The following AGBL4 variants were observed in gnomAD, a reference collection of about 807,000 sequenced individuals.
AGBL4 encodes AGBL carboxypeptidase 4.
Under a neutral mutation model 66.4 loss-of-function variants are expected in AGBL4, and 58 were observed. The ratio of observed to expected loss-of-function variants is 0.87; its 90% CI spans 0.71 to 1.09. The LOEUF (loss-of-function observed/expected upper bound fraction) is 1.09. Ranked by LOEUF, AGBL4 falls within the 50% of genes least tolerant of loss-of-function variation. AGBL4 has a pLI of 0.00. For missense variants in AGBL4, 579 were observed against 631.0 expected, an observed-to-expected ratio of 0.92 and a Z score of 0.88; for synonymous variants, 234 against 222.9, an observed-to-expected ratio of 1.05 and a Z score of -0.44.
At position 48,843,729 on chromosome 1, in the gene AGBL4, G is replaced by A. The variant is rs564945841; in HGVS notation, c.634+23462C>T. ...TCTAGTCAGAAAGGCCCTTTGAAATGATCTAGTATAAACTTCTCATTCTAT... is the reference window on the plus strand; with the variant it reads ...TCTAGTCAGAAAGGCCCTTTGAAATAATCTAGTATAAACTTCTCATTCTAT... On this transcript the variant is annotated intron_variant, in intron 6 of 13. Transcript: ENST00000371839. 2.0e-5 allele frequency among the ~76,000 whole-genome samples: 3 copies of A among 152,018 alleles called. No individual in the cohort carries two copies. In the East Asian group the frequency reaches 5.8e-4, roughly 29 times the overall value.
At chr1:48,774,614 C>G (rs1644988996) in intron 6 of AGBL4, among the ~76,000 whole-genome samples, 1 of 152,164 alleles carries the variant, frequency 6.6e-6, no homozygotes, top group South Asian at 2.1e-4. Flanking sequence ...AATAACCATA[C>G]AGATTTATCA....
At chr1:49,405,059 G>A (rs1645167661) in intron 3 of AGBL4, among the ~76,000 whole-genome samples, 1 of 152,116 alleles carries the variant, frequency 6.6e-6, no homozygotes, top group Non-Finnish European at 1.5e-5. Context: ...TCCCTTTTGT[G>A]AGTATTTAAT....
chr1:49,722,937 C>T (rs1173728582), intron 2 of AGBL4, among the ~76,000 whole-genome samples: 1 of 152,114 alleles, frequency 6.6e-6, no homozygotes, highest in Admixed American at 6.6e-5. Context: ...CATCTCACTC[C>T]TCAACTTGAG....
chr1:49,009,659 A>C (rs1009959472), intron 5 of AGBL4, among the ~76,000 whole-genome samples: 5 of 150,814 alleles, frequency 3.3e-5, no homozygotes, highest in African/African-American at 9.7e-5. Flanking sequence ...ATCCAGCAGC[A>C]CATCAAAAAG....
intron 12 of AGBL4, among the ~76,000 whole-genome samples, chr1:48,539,325 G>A (rs954911905): frequency 6.6e-6 from 1 of 152,232 alleles, no homozygotes; most frequent in Non-Finnish European, 1.5e-5. Context: ...TGAGGTATCA[G>A]GAGAGGTAGC....
chr1:48,989,661 C>G (rs530728231), intron 5 of AGBL4, among the ~76,000 whole-genome samples: 1 of 152,250 alleles, frequency 6.6e-6, no homozygotes, highest in East Asian at 1.9e-4. Flanking sequence ...TTTCACCTAA[C>G]ATTATGATCT....
chr1:49,372,632 T>C (rs1644378701), intron 3 of AGBL4, among the ~76,000 whole-genome samples: 1 of 130,296 alleles, frequency 7.7e-6, no homozygotes, highest in Non-Finnish European at 1.6e-5. Context: ...TCTTTCTTTC[T>C]TTCTTTCTTT....
chr1:48,903,494 G>A (rs1221724102), intron 5 of AGBL4, among the ~76,000 whole-genome samples: 1 of 152,226 alleles, frequency 6.6e-6, no homozygotes, highest in Non-Finnish European at 1.5e-5. Context: ...ACTTTATCTT[G>A]TAGATTACTG....
chr1:48,962,080 G>C (rs1015710996), intron 5 of AGBL4, among the ~76,000 whole-genome samples: 1 of 145,924 alleles, frequency 6.9e-6, no homozygotes, highest in African/African-American at 2.5e-5. Flanking sequence ...AAAGCAACCT[G>C]GTTCACTTAA....
At chr1:49,288,609 G>T (rs1003342202) in intron 3 of AGBL4, among the ~76,000 whole-genome samples, 1 of 152,166 alleles carries the variant, frequency 6.6e-6, no homozygotes, top group African/African-American at 2.4e-5. Context: ...AATAAAACAA[G>T]TAGAAAGTGG....
At chr1:48,741,657 A>G (rs1649928843) in intron 6 of AGBL4, among the ~76,000 whole-genome samples, 1 of 152,282 alleles carries the variant, frequency 6.6e-6, no homozygotes, top group Non-Finnish European at 1.5e-5. Flanking sequence ...TTGCAGAGAC[A>G]TATCTGGACA....
At chr1:49,410,494 T>A (rs1181012858) in intron 3 of AGBL4, among the ~76,000 whole-genome samples, 1 of 152,188 alleles carries the variant, frequency 6.6e-6, no homozygotes, top group East Asian at 1.9e-4. Context: ...AGATGAATAA[T>A]ATTATCAACT....
In AGBL4 at chr1:48,849,493, G is replaced by C. The variant is rs1646986370; in HGVS notation, c.634+17698C>G. ...TTCTATATTTATCTCATTGTGGACA[G>C]TTTACACTCTGGCACCAGTCCATGG... On this transcript the variant is annotated intron_variant, in intron 6 of 13. Transcript: ENST00000371839. Among the ~76,000 whole-genome samples, 4 of 152,268 alleles carry C rather than the reference G, an allele frequency of 2.6e-5. No homozygotes were observed. In the South Asian group the frequency reaches 8.3e-4, roughly 32 times the overall value.
At chr1:48,677,047 C>T (rs139229213) in intron 6 of AGBL4, among the ~76,000 whole-genome samples, 1 of 152,238 alleles carries the variant, frequency 6.6e-6, no homozygotes, top group African/African-American at 2.4e-5. Flanking sequence ...CTCTCAGTCC[C>T]CTCCAGTTCT....
At chr1:48,991,264 T>C (rs1238767003) in intron 5 of AGBL4, among the ~76,000 whole-genome samples, 1 of 152,166 alleles carries the variant, frequency 6.6e-6, no homozygotes, top group Non-Finnish European at 1.5e-5. Context: ...TTTTTTTGTT[T>C]TTTTTGTGTG....
At chr1:49,102,640 T>G (rs1165443260) in intron 4 of AGBL4, among the ~76,000 whole-genome samples, 1 of 152,222 alleles carries the variant, frequency 6.6e-6, no homozygotes, top group Non-Finnish European at 1.5e-5. Flanking sequence ...TCTTAGTATC[T>G]GTTGAATCAG....
intron 6 of AGBL4, among the ~76,000 whole-genome samples, chr1:48,691,157 C>CA (rs35401645): frequency 0.46 from 38,879 of 84,020 alleles, 7,662 homozygotes; most frequent in East Asian, 0.66. Context: ...GACTCCCTCT[C>CA]AAAAAAAAAA....
At chr1:48,720,094 G>A (rs1486523380) in intron 6 of AGBL4, among the ~76,000 whole-genome samples, 4 of 152,130 alleles carry the variant, frequency 2.6e-5, no homozygotes, top group African/African-American at 7.2e-5. Flanking sequence ...TCCTCACCAG[G>A]AACCAGGCTT....
chr1:49,166,402 C>T (rs1646634980), intron 4 of AGBL4, among the ~76,000 whole-genome samples: 1 of 152,146 alleles, frequency 6.6e-6, no homozygotes, highest in South Asian at 2.1e-4. Flanking sequence ...GCAAATCATG[C>T]ACTCCAAAGT....
Sources: gnomAD v4.1 joint callset for allele counts (sites outside exome capture counted in the v4.1 genomes callset) on GRCh38, gnomAD v4.1.1 for gene constraint, MANE v1.5 for transcripts, NCBI Gene and HGNC (gene_info 2026-07-23, HGNC 2026-07-21) for gene names.